Variants in UQCR11 observed in about 807,000 individuals in gnomAD.
The protein encoded by UQCR11 is cytochrome b-c1 complex subunit 10.
In UQCR11, 10 loss-of-function variants were observed where a neutral mutation model predicts 7.6. The observed-to-expected ratio is 1.31, with a 90% CI of 0.81 to 2.22. UQCR11 has a LOEUF of 2.22. Among genes scored for constraint, UQCR11 ranks in the 30% most tolerant of loss-of-function variants. The pLI, the probability that UQCR11 is intolerant of heterozygous loss-of-function variation, is 0.00. For synonymous variants in UQCR11, 34 were observed against 34.9 expected, an observed-to-expected ratio of 0.97 and a Z score of 0.09; for missense variants, 86 against 75.1, an observed-to-expected ratio of 1.15 and a Z score of -0.54.
At chr19:1,602,462 T>C (rs1040765792) in intron 1 of UQCR11, 1 of 152,060 alleles carries the variant, frequency 6.6e-6, no homozygotes, top group South Asian at 2.1e-4. Context: ...TTATTTATTA[T>C]TTATTTTGAG....
In UQCR11 at chr19:1,599,575, G is replaced by T. The variant is rs1337056150; in HGVS notation, c.51-15C>A. The T allele has an allele frequency of 6.2e-7, 1 of 1,605,398 alleles. No homozygotes were observed. The highest frequency in any genetic ancestry group is 8.5e-7 in the Non-Finnish European group (1 of 1,179,882). The stretch of plus-strand genomic sequence containing the variant: ...CCGTCGGGACCCTGCGAGAGGAGAG[G>T]GGATGGTCAGGCCTGCTCTGGACCC... On this transcript the variant is annotated splice_polypyrimidine_tract_variant and intron_variant, in intron 1 of 2. Transcript: ENST00000591899.
chr19:1,600,085 GGGCCCAGCAGATTCTAGGAA>G (rs199759027), intron 1 of UQCR11, among the ~76,000 whole-genome samples: 25,452 of 151,760 alleles, frequency 0.17, 2,371 homozygotes, highest in Non-Finnish European at 0.21. Flanking sequence ...TGAGTTGCCT[GGGCCCAGCAGATTCTAGGAA>G]GGCCCAGCAG....
In UQCR11 at chr19:1,605,442, T is replaced by C; in HGVS notation, c.-33A>G. 1 of 1,283,020 alleles carries C rather than the reference T, an allele frequency of 7.8e-7. No homozygotes were observed. The highest frequency in any genetic ancestry group is 1.0e-6 in the Non-Finnish European group (1 of 995,018). The allele number at this position is 1,283,020 out of a possible 1,614,324, so 79.5% of individuals were successfully genotyped here. Reference sequence around the variant, plus strand: ...GAGTCGCACCCTCAGGATGACCCTGTCCAGCTGACCCGGCTACACTGCGCA... The same window carrying C: ...GAGTCGCACCCTCAGGATGACCCTGCCCAGCTGACCCGGCTACACTGCGCA... On this transcript the variant is annotated 5_prime_UTR_variant, in exon 1 of 3. Transcript: ENST00000591899.
At position 1,599,443 on chromosome 19, in the gene UQCR11, A is replaced by G. The variant is rs747357150; in HGVS notation, c.168T>C (p.Asn56=). 1.2e-6 allele frequency: 2 copies of G among 1,613,766 alleles called. No individual in the cohort carries two copies. Among genetic ancestry groups the G allele is most frequent in the South Asian group, 2.2e-5 (2 of 91,092 alleles). The change falls in exon 2 of 3, where the codon AAT becomes AAC. Residue 56 remains asparagine (N), a synonymous_variant. Transcript: ENST00000591899. ...PYINGKFKKD[N] ...AGTCTGTGAAGGGTTTGTGTAATTA[A>G]TTATCCTTCTTAAACTTGCCATTGA...
chr19:1,605,347 T>C lies in UQCR11; in HGVS notation c.50+13A>G. On this transcript the variant is annotated intron_variant, in intron 1 of 2. Transcript: ENST00000591899. The stretch of plus-strand genomic sequence containing the variant: ...GCGGGAGCGCGGATGGGGCCGCGGG[T>C]CGGCGTCCTCACCAGTTCTTGACCA... 6.4e-7 allele frequency: 1 copy of C among 1,562,668 alleles called. No individual in the cohort carries two copies. The highest frequency in any genetic ancestry group is 8.6e-7 in the Non-Finnish European group (1 of 1,159,180).
At chr19:1,603,537 GC>G (rs2060753119) in intron 1 of UQCR11, among the ~76,000 whole-genome samples, 1 of 152,194 alleles carries the variant, frequency 6.6e-6, no homozygotes, top group Admixed American at 6.5e-5. Context: ...AACCCGGGAG[GC>G]GGAGCTTGCA....
chr19:1,602,753 T>C (rs1278504090), intron 1 of UQCR11, among the ~76,000 whole-genome samples: 1 of 152,090 alleles, frequency 6.6e-6, no homozygotes, highest in Non-Finnish European at 1.5e-5. Context: ...CGCCCAGCCC[T>C]GGGTTATTAA....
intron 1 of UQCR11, among the ~76,000 whole-genome samples, chr19:1,604,496 C>T (rs187214402): frequency 7.5e-4 from 114 of 152,200 alleles, no homozygotes; most frequent in Non-Finnish European, 7.2e-4. Context: ...CAGGCCGGAG[C>T]CACTGCACCC....
chr19:1,599,279 C>G, intron 2 of UQCR11, 133 bp downstream of exon 2: 1 of 1,237,386 alleles, frequency 8.1e-7, no homozygotes, highest in South Asian at 1.4e-5. Flanking sequence ...CCCAGGGCCC[C>G]ACTCTCGAAT....
At chr19:1,601,727 G>A (rs1331454435) in intron 1 of UQCR11, among the ~76,000 whole-genome samples, 1 of 152,164 alleles carries the variant, frequency 6.6e-6, no homozygotes, top group Admixed American at 6.5e-5. Context: ...CTGAGGAGTT[G>A]ACTCAGTGCA....
chr19:1,603,368 C>T (rs1200871904), intron 1 of UQCR11, among the ~76,000 whole-genome samples: 1 of 152,062 alleles, frequency 6.6e-6, no homozygotes, highest in Non-Finnish European at 1.5e-5. Context: ...TTTGGGAGGC[C>T]GAGGCAGGTG....
intron 1 of UQCR11, among the ~76,000 whole-genome samples, chr19:1,599,850 T>C (rs1217600820): frequency 6.6e-6 from 1 of 152,234 alleles, no homozygotes; most frequent in Non-Finnish European, 1.5e-5. Flanking sequence ...GCAACCACCA[T>C]GATGATGGGT....
chr19:1,604,719 G>A (rs79532015), intron 1 of UQCR11, among the ~76,000 whole-genome samples: 5,827 of 151,854 alleles, frequency 0.038, 504 homozygotes, highest in East Asian at 0.38. Context: ...GTAGAGACGC[G>A]GGTTTCACCA....
rs1194850708 is a variant in UQCR11, at chr19:1,605,437, C to G, written c.-28G>C. ...CGGCGGAGTCGCACCCTCAGGATGA[C>G]CCTGTCCAGCTGACCCGGCTACACT... On this transcript the variant is annotated 5_prime_UTR_variant, in exon 1 of 3. Coordinates refer to ENST00000591899, the MANE Select transcript of UQCR11 (RefSeq NM_006830.4). 3 of 1,521,742 alleles carry G rather than the reference C, an allele frequency of 2.0e-6. No individual in the cohort carries two copies. The highest frequency in any genetic ancestry group is 1.8e-6 in the Non-Finnish European group (2 of 1,137,236). The allele number at this position is 1,521,742 out of a possible 1,614,324, so 94.3% of individuals were successfully genotyped here.
Position 1,599,539 on chromosome 19 carries a change from C to T in UQCR11, c.72G>A (p.Trp24Ter). The change falls in exon 2 of 3, where the codon TGG (tryptophan) becomes TGA (stop). Residue 24 changes from tryptophan (W) to a stop codon, truncating the protein, a stop_gained. Coordinates refer to ENST00000591899, the MANE Select transcript of UQCR11 (RefSeq NM_006830.4). LOFTEE classifies it high-confidence loss of function. ...VKNWVPTAYT[W>*]GAVGAVGLVW... ...CCAGCCCCACGGCGCCCACAGCGCC[C>T]CATGTGTAGGCCGTCGGGACCCTGC... 1.9e-6 allele frequency: 3 copies of T among 1,612,080 alleles called. No homozygotes were observed. The highest frequency in any genetic ancestry group is 2.5e-6 in the Non-Finnish European group (3 of 1,179,982).
At chr19:1,599,632 C>A (rs1447010262) in intron 1 of UQCR11, 72 bp from the exon 2 acceptor site, 4 of 1,576,062 alleles carry the variant, frequency 2.5e-6, no homozygotes, top group Non-Finnish European at 3.4e-6. Flanking sequence ...CCCACCCCGG[C>A]CCCCCGTCCT....
At chr19:1,605,283 G>C in intron 1 of UQCR11, 77 bp downstream of exon 1, 1 of 1,456,194 alleles carries the variant, frequency 6.9e-7, no homozygotes, top group Non-Finnish European at 9.0e-7. Context: ...CCGGAAACGC[G>C]CACAAATACG....
Position 1,599,441 on chromosome 19 carries a change from T to A in UQCR11, c.170A>T (p.Ter57LeuextTer15), listed in dbSNP as rs780604289. ...GCAGTCTGTGAAGGGTTTGTGTAATTAATTATCCTTCTTAAACTTGCCATT... is the reference window on the plus strand; with the variant it reads ...GCAGTCTGTGAAGGGTTTGTGTAATAAATTATCCTTCTTAAACTTGCCATT... ...YINGKFKKDN[*>L] The change falls in exon 2 of 3, where the codon TAA becomes TTA. Residue 57 changes from the stop codon to leucine (L), a stop_lost. Coordinates refer to ENST00000591899, the MANE Select transcript of UQCR11 (RefSeq NM_006830.4). The A allele has an allele frequency of 6.2e-7, 1 of 1,613,720 alleles. No individual in the cohort carries two copies. Among genetic ancestry groups the A allele is most frequent in the Non-Finnish European group, 8.5e-7 (1 of 1,179,934 alleles).
chr19:1,604,503 ACC>A (rs990848263), intron 1 of UQCR11, among the ~76,000 whole-genome samples: 5 of 151,298 alleles, frequency 3.3e-5, no homozygotes, highest in African/African-American at 1.2e-4. Flanking sequence ...GAGCCACTGC[ACC>A]CGGCTAAGAC....
Sources: gnomAD v4.1 joint callset for allele counts (sites outside exome capture counted in the v4.1 genomes callset) on GRCh38, gnomAD v4.1.1 for gene constraint, MANE v1.5 for transcripts, NCBI Gene and HGNC (gene_info 2026-07-23, HGNC 2026-07-21) for gene names.